SNX29: variants seen among roughly 807,000 people sequenced by gnomAD.
SNX29 encodes sorting nexin 29.
Under a neutral mutation model 102.1 loss-of-function variants are expected in SNX29, and 78 were observed. The ratio of observed to expected loss-of-function variants is 0.76; its 90% CI spans 0.64 to 0.92. The LOEUF (loss-of-function observed/expected upper bound fraction) is 0.92, where lower values mean the gene tolerates loss of function less well. Among genes scored for constraint, SNX29 ranks in the 40% least tolerant of loss-of-function variants. SNX29 has a pLI of 0.00. For synonymous variants in SNX29, 580 were observed against 414.5 expected (o/e 1.40, Z -4.85); for missense variants, 1,280 against 1,061.7 (o/e 1.21, Z -2.86).
intron 1 of SNX29, chr16:11,983,693 C>T (rs186699340): frequency 1.0e-6 from 1 of 985,368 alleles, no homozygotes; most frequent in Non-Finnish European, 1.2e-6. Context: ...ATCTTGCCTC[C>T]TGGTTGCTTG....
At chr16:12,502,059 G>C (rs2089151175) in intron 19 of SNX29, among the ~76,000 whole-genome samples, 2 of 152,182 alleles carry the variant, frequency 1.3e-5, no homozygotes, top group Admixed American at 1.3e-4. Context: ...TTCTTGGTGA[G>C]AACATGGGAC....
At position 12,093,621 on chromosome 16, in the gene SNX29, T is replaced by C. The variant is rs185414126; in HGVS notation, c.1402+14706T>C. 3 of 152,306 alleles carry C rather than the reference T, an allele frequency of 2.0e-5. No individual in the cohort carries two copies. In the East Asian group the frequency reaches 5.8e-4, roughly 29 times the overall value. 9.4% of individuals were successfully genotyped at this position (152,306 alleles called of 1,614,324 possible). A position where few individuals can be genotyped will look rare whatever the true frequency, so the allele number is the denominator to read the frequency against. ...ACCGTGTCTTAAAGAGAAAGATCTA[T>C]GTGACCCCGGGCAAATGCTTTAATT... is the stretch of plus-strand genomic sequence containing the variant. On this transcript the variant is annotated intron_variant, in intron 11 of 20. Coordinates refer to ENST00000566228, the MANE Select transcript of SNX29 (RefSeq NM_032167.5).
chr16:12,347,225 C>CT (rs2081840381), intron 15 of SNX29, among the ~76,000 whole-genome samples: 1 of 152,060 alleles, frequency 6.6e-6, no homozygotes, highest in African/African-American at 2.4e-5. Flanking sequence ...ACAGCACTGT[C>CT]TCGGTGGCAC....
chr16:12,023,407 C>CAA (rs565812913), intron 3 of SNX29, among the ~76,000 whole-genome samples: 11 of 94,554 alleles, frequency 1.2e-4, no homozygotes, highest in Admixed American at 2.4e-4. Flanking sequence ...GACTCTGTCT[C>CAA]AAAAAAAAAA....
At chr16:12,076,745 G>A (rs1196213556) in intron 10 of SNX29, among the ~76,000 whole-genome samples, 1 of 152,196 alleles carries the variant, frequency 6.6e-6, no homozygotes, top group East Asian at 1.9e-4. Flanking sequence ...CCTCTTGGCT[G>A]TAATTTGGGG....
chr16:12,272,015 T>C (rs1220729869), intron 14 of SNX29, among the ~76,000 whole-genome samples: 1 of 152,248 alleles, frequency 6.6e-6, no homozygotes, highest in Non-Finnish European at 1.5e-5. Context: ...TTGAAATTTT[T>C]GGCATGCTTG....
intron 13 of SNX29, among the ~76,000 whole-genome samples, chr16:12,147,403 A>G (rs2055109249): frequency 6.6e-6 from 1 of 152,250 alleles, no homozygotes; most frequent in Admixed American, 6.5e-5. Flanking sequence ...TACGGTAATT[A>G]TTCACCGGGG....
chr16:11,983,442 G>C (rs1465192683), intron 1 of SNX29, among the ~76,000 whole-genome samples: 4 of 152,076 alleles, frequency 2.6e-5, no homozygotes, highest in African/African-American at 4.8e-5. Flanking sequence ...GGCCCTCTCT[G>C]ACAGTAGCTT....
At chr16:12,511,253 C>G (rs1475630885) in intron 19 of SNX29, among the ~76,000 whole-genome samples, 1 of 152,182 alleles carries the variant, frequency 6.6e-6, no homozygotes, top group Non-Finnish European at 1.5e-5. Context: ...TCTTAAGAGG[C>G]AGGACAGCCT....
chr16:12,395,004 G>A (rs4781221), intron 16 of SNX29, among the ~76,000 whole-genome samples: 56,553 of 151,962 alleles, frequency 0.37, 11,687 homozygotes, highest in East Asian at 0.63. Flanking sequence ...CTTTACCACC[G>A]CCTTACCTGG....
intron 16 of SNX29, 53 bp from the exon 17 acceptor site, chr16:12,398,393 C>T (rs1022228959): frequency 1.9e-6 from 3 of 1,580,380 alleles, no homozygotes; most frequent in South Asian, 2.2e-5. Context: ...TTATGCAAAC[C>T]ATGGTAACCA....
intron 13 of SNX29, among the ~76,000 whole-genome samples, chr16:12,181,023 C>T (rs1304631769): frequency 3.9e-5 from 6 of 152,142 alleles, no homozygotes; most frequent in Admixed American, 1.3e-4. Flanking sequence ...CACTGCAGGG[C>T]CCAGTCCTGG....
rs537808905 is a variant in SNX29 at position 12,555,962 on chromosome 16, A to G, written c.2319-12544A>G. 3.3e-5 allele frequency among the ~76,000 whole-genome samples: 5 copies of G among 151,414 alleles called. No homozygotes were observed. The South Asian group carries it at 8.4e-4, about 25-fold the overall frequency. On this transcript the variant is annotated intron_variant, in intron 20 of 20. Coordinates refer to ENST00000566228, the MANE Select transcript of SNX29 (RefSeq NM_032167.5). ...TTACATCACACCAACTTGTAACACC[A>G]TCTGCGTGGCTTTCAATTTTCAAGT...
chr16:12,052,629 G>T (rs168409), intron 8 of SNX29: 146,766 of 213,170 alleles, frequency 0.69, 51,541 homozygotes, highest in African/African-American at 0.8. Context: ...CATTCTTCAG[G>T]TGTTGATTTA....
At chr16:12,521,848 C>G (rs977532388) in intron 19 of SNX29, among the ~76,000 whole-genome samples, 3 of 152,202 alleles carry the variant, frequency 2.0e-5, no homozygotes, top group African/African-American at 7.2e-5. Flanking sequence ...CCTGGGACAA[C>G]CTTGTCTAAA....
At chr16:12,565,331 G>A (rs1017403979) in intron 20 of SNX29, among the ~76,000 whole-genome samples, 2 of 152,166 alleles carry the variant, frequency 1.3e-5, no homozygotes, top group African/African-American at 4.8e-5. Flanking sequence ...TCAGCAGTCT[G>A]GGTTTTCCAT....
At chr16:12,552,385 G>T (rs1190282795) in intron 20 of SNX29, among the ~76,000 whole-genome samples, 1 of 152,228 alleles carries the variant, frequency 6.6e-6, no homozygotes, top group Non-Finnish European at 1.5e-5. Flanking sequence ...AGCAAGCATG[G>T]TACCTGGCGC....
chr16:12,392,616 C>G (rs1369688147), intron 16 of SNX29, among the ~76,000 whole-genome samples: 2 of 152,206 alleles, frequency 1.3e-5, no homozygotes, highest in Non-Finnish European at 2.9e-5. Context: ...AACTGATTCA[C>G]AGAAGTGTGA....
At chr16:12,465,291 C>G (rs191082210) in intron 18 of SNX29, among the ~76,000 whole-genome samples, 3 of 152,264 alleles carry the variant, frequency 2.0e-5, no homozygotes, top group Admixed American at 1.3e-4. Flanking sequence ...AAAATTACTG[C>G]CAAGACTAGT....
Sources: gnomAD v4.1 joint callset for allele counts (sites outside exome capture counted in the v4.1 genomes callset) on GRCh38, gnomAD v4.1.1 for gene constraint, MANE v1.5 for transcripts, NCBI Gene and HGNC (gene_info 2026-07-23, HGNC 2026-07-21) for gene names.